The following AGTPBP1 variants were observed in gnomAD, a reference collection of about 807,000 sequenced individuals.
AGTPBP1 encodes the protein ATP/GTP binding carboxypeptidase 1, also known as cytosolic carboxypeptidase 1.
AGTPBP1 carries 70 observed loss-of-function variants against 143.9 expected under a neutral mutation model. That is an observed-to-expected ratio of 0.49 (90% CI 0.40 to 0.59). The LOEUF (loss-of-function observed/expected upper bound fraction) is 0.59. AGTPBP1 is among the 20% of genes least tolerant of loss of function. The pLI, the probability that AGTPBP1 is intolerant of heterozygous loss-of-function variation, is 0.00. For missense variants in AGTPBP1, 1,229 were observed against 1,464.5 expected, an observed-to-expected ratio of 0.84 and a Z score of 2.62; for synonymous variants, 463 against 500.2, an observed-to-expected ratio of 0.93 and a Z score of 0.99.
chr9:85,639,367 G>A (rs199566060), intron 13 of AGTPBP1, among the ~76,000 whole-genome samples: 2,254 of 147,214 alleles, frequency 0.015, 21 homozygotes, highest in Middle Eastern at 0.047. Flanking sequence ...GCGCGCACGC[G>A]CACACACACA....
the AGTPBP1 span, chr9:85,786,606 G>A: frequency 2.5e-6 from 4 of 1,580,252 alleles, no homozygotes; most frequent in Admixed American, 7.8e-5. Flanking sequence ...ACTTTTAGTA[G>A]ATATGTAAAA....
At chr9:85,646,945 A>G (rs1832847909) in intron 11 of AGTPBP1, among the ~76,000 whole-genome samples, 1 of 151,936 alleles carries the variant, frequency 6.6e-6, no homozygotes, top group Non-Finnish European at 1.5e-5. Context: ...TTAAAAAAAA[A>G]AAATTACACA....
chr9:85,712,199 G>C (rs1837423426), intron 2 of AGTPBP1, among the ~76,000 whole-genome samples: 1 of 152,104 alleles, frequency 6.6e-6, no homozygotes, highest in African/African-American at 2.4e-5. Context: ...CAGAGGCAGA[G>C]GTTGTAGTGA....
chr9:85,786,498 G>A, the AGTPBP1 span: 25 of 1,613,828 alleles, frequency 1.5e-5, no homozygotes, highest in East Asian at 1.1e-4. Context: ...TCATTGCGAC[G>A]TTCCAGTCTT....
At chr9:85,558,821 G>A (rs537586714) in intron 25 of AGTPBP1, among the ~76,000 whole-genome samples, 103 of 152,224 alleles carry the variant, frequency 6.8e-4, no homozygotes, top group African/African-American at 2.4e-3. Flanking sequence ...GTTTCACCAC[G>A]TTGCCCAGGC....
chr9:85,592,818 A>C, intron 18 of AGTPBP1, 114 bp from the exon 19 acceptor site: 2 of 1,287,952 alleles, frequency 1.6e-6, no homozygotes, highest in Non-Finnish European at 2.2e-6. Flanking sequence ...GTCTGTAAAA[A>C]GTGTAACTTA....
rs551998300 is a variant in AGTPBP1, at chr9:85,593,852, T to C, written c.2424-1148A>G. On this transcript the variant is annotated intron_variant, in intron 18 of 25. Coordinates refer to ENST00000357081, the MANE Select transcript of AGTPBP1 (RefSeq NM_001330701.2). ...TTCCAGACTCGAAATACTGCTGACA[T>C]ATGCTGACTTAAAGATGCTCTAACA... Among the ~76,000 whole-genome samples the C allele has an allele frequency of 1.1e-4, 17 of 152,324 alleles. No individual in the cohort carries two copies. The South Asian group carries it at 3.3e-3, about 30-fold the overall frequency.
intron 13 of AGTPBP1, among the ~76,000 whole-genome samples, chr9:85,635,217 T>C (rs1831963312): frequency 6.6e-6 from 1 of 152,204 alleles, no homozygotes; most frequent in Non-Finnish European, 1.5e-5. Flanking sequence ...GATTTGCAAT[T>C]GATCTTTTAA....
At position 85,721,946 on chromosome 9, in the gene AGTPBP1, T is replaced by A. The variant is rs569532819; in HGVS notation, c.-33-9380A>T. ...CACTTATAAAGCTTAGTTGGCTAGA[T>A]ATGAAATTCTGGGTTGAAAACTCTT... On this transcript the variant is annotated intron_variant, in intron 1 of 25. Coordinates refer to ENST00000357081, the MANE Select transcript of AGTPBP1 (RefSeq NM_001330701.2). Among the ~76,000 whole-genome samples the A allele has an allele frequency of 1.2e-3, 181 of 152,330 alleles. 2 individuals carry two copies. The highest frequency in any genetic ancestry group is 8.7e-4 in the Non-Finnish European group (59 of 68,032).
At chr9:85,548,273 T>C (rs547486200) in intron 25 of AGTPBP1, among the ~76,000 whole-genome samples, 1 of 152,278 alleles carries the variant, frequency 6.6e-6, no homozygotes, top group South Asian at 2.1e-4. Flanking sequence ...GAGTATGAAA[T>C]TCAGTCCAGA....
intron 8 of AGTPBP1, among the ~76,000 whole-genome samples, chr9:85,668,513 G>C (rs766920469): frequency 2.1e-4 from 32 of 151,702 alleles, no homozygotes; most frequent in Non-Finnish European, 4.3e-4. Flanking sequence ...GTAGTATTCT[G>C]GTTATTTTTA....
chr9:85,610,015 A>G (rs1177323752), intron 17 of AGTPBP1, among the ~76,000 whole-genome samples: 1 of 152,194 alleles, frequency 6.6e-6, no homozygotes, highest in East Asian at 1.9e-4. Flanking sequence ...AAAATGTATG[A>G]GGAACATTTG....
intron 23 of AGTPBP1, among the ~76,000 whole-genome samples, chr9:85,582,057 C>A (rs1387951562): frequency 1.3e-5 from 2 of 152,088 alleles, no homozygotes; most frequent in African/African-American, 2.4e-5. Context: ...GTTTTGTAAA[C>A]CTTTTATTTT....
chr9:85,551,366 C>T (rs536781105), intron 25 of AGTPBP1, among the ~76,000 whole-genome samples: 1 of 152,318 alleles, frequency 6.6e-6, no homozygotes, highest in Admixed American at 6.5e-5. Context: ...CCTTAAAGCT[C>T]ATCTTGGAAT....
At chr9:85,758,034 G>T in the AGTPBP1 span, among the ~76,000 whole-genome samples, 1 of 152,080 alleles carries the variant, frequency 6.6e-6, no homozygotes, top group Non-Finnish European at 1.5e-5. Flanking sequence ...CATATTTTCT[G>T]AAACATCTAA....
At chr9:85,553,046 A>G (rs1270028771) in intron 25 of AGTPBP1, among the ~76,000 whole-genome samples, 1 of 152,224 alleles carries the variant, frequency 6.6e-6, no homozygotes, top group East Asian at 1.9e-4. Context: ...ATAAAATTTT[A>G]TTCCTATCTT....
upstream of AGTPBP1, among the ~76,000 whole-genome samples, chr9:85,746,438 A>G (rs986379004): frequency 6.6e-6 from 1 of 152,164 alleles, no homozygotes; most frequent in Non-Finnish European, 1.5e-5. Flanking sequence ...CCTGGACAAC[A>G]TAGTGAGACC....
At chr9:85,750,883 C>T in the AGTPBP1 span, among the ~76,000 whole-genome samples, 30 of 152,196 alleles carry the variant, frequency 2.0e-4, no homozygotes, top group Admixed American at 3.3e-4. Flanking sequence ...CTTGCTAGCC[C>T]AGTGGCCTGT....
At chr9:85,606,047 A>T (rs1234653245) in intron 17 of AGTPBP1, among the ~76,000 whole-genome samples, 1 of 152,056 alleles carries the variant, frequency 6.6e-6, no homozygotes, top group Non-Finnish European at 1.5e-5. Context: ...CTTACCTATC[A>T]ATAACAATGA....
Sources: gnomAD v4.1 joint callset for allele counts (sites outside exome capture counted in the v4.1 genomes callset) on GRCh38, gnomAD v4.1.1 for gene constraint, MANE v1.5 for transcripts, NCBI Gene and HGNC (gene_info 2026-07-23, HGNC 2026-07-21) for gene names.